Variants in EPB41L3 observed in about 807,000 individuals in gnomAD.
EPB41L3 encodes band 4.1-like protein 3.
Under a neutral mutation model 127.1 loss-of-function variants are expected in EPB41L3, and 57 were observed. The observed-to-expected ratio is 0.45, with a 90% CI of 0.36 to 0.56. The LOEUF (loss-of-function observed/expected upper bound fraction) is 0.56, where lower values mean the gene tolerates loss of function less well. EPB41L3 is among the 20% of genes least tolerant of loss of function. EPB41L3 has a pLI of 0.00. For synonymous variants in EPB41L3, 572 were observed against 549.5 expected, an observed-to-expected ratio of 1.04 and a Z score of -0.57; for missense variants, 1,273 against 1,372.2, an observed-to-expected ratio of 0.93 and a Z score of 1.14.
chr18:5,433,431 T>C (rs2079273644), intron 8 of EPB41L3, 38 bp downstream of exon 8: 2 of 1,397,606 alleles, frequency 1.4e-6, no homozygotes, highest in African/African-American at 2.8e-5. Flanking sequence ...AGTTACATAA[T>C]ATTAAATTGA....
At chr18:5,546,528 CA>C (rs1177657503), upstream of EPB41L3, among the ~76,000 whole-genome samples, 1 of 152,024 alleles carries the variant, frequency 6.6e-6, no homozygotes, top group Non-Finnish European at 1.5e-5. Flanking sequence ...AGACTCGTCT[CA>C]AAAAACTACA....
chr18:5,408,227 C>T (rs1282261260), intron 14 of EPB41L3, among the ~76,000 whole-genome samples: 3 of 151,790 alleles, frequency 2.0e-5, no homozygotes, highest in Non-Finnish European at 4.4e-5. Flanking sequence ...CACAGAGGTT[C>T]CCACATTTTA....
At chr18:5,562,504 A>G (rs2094146926) in intron 3 of EPB41L3, among the ~76,000 whole-genome samples, 1 of 152,226 alleles carries the variant, frequency 6.6e-6, no homozygotes, top group Admixed American at 6.5e-5. Context: ...AGAACAAGTT[A>G]AAGTTACTTT....
chr18:5,581,204 T>C (rs901175678), intron 3 of EPB41L3, among the ~76,000 whole-genome samples: 1 of 152,238 alleles, frequency 6.6e-6, no homozygotes, highest in Non-Finnish European at 1.5e-5. Flanking sequence ...GTAACCAGTG[T>C]TTAATGAATG....
At chr18:5,396,628 A>C (rs1328710409) in intron 18 of EPB41L3, among the ~76,000 whole-genome samples, 4 of 152,190 alleles carry the variant, frequency 2.6e-5, no homozygotes, top group Non-Finnish European at 5.9e-5. Context: ...TAACTCCCCA[A>C]ATACTTCAGG....
At chr18:5,449,960 G>A (rs1024830285) in intron 3 of EPB41L3, among the ~76,000 whole-genome samples, 9 of 152,216 alleles carry the variant, frequency 5.9e-5, no homozygotes, top group Non-Finnish European at 1.3e-4. Context: ...TAAAAGTTAT[G>A]TGAGTGTAGT....
chr18:5,579,996 T>C (rs1293293720), intron 3 of EPB41L3, among the ~76,000 whole-genome samples: 2 of 152,172 alleles, frequency 1.3e-5, no homozygotes, highest in East Asian at 3.9e-4. Context: ...GAATTACTAT[T>C]AATCCCAATT....
chr18:5,542,799 C>T (rs767886223), intron 1 of EPB41L3, among the ~76,000 whole-genome samples: 41 of 152,224 alleles, frequency 2.7e-4, no homozygotes, highest in Non-Finnish European at 5.7e-4. Flanking sequence ...ACCACAGTTA[C>T]AATTTACTAG....
chr18:5,451,397 T>G (rs1257687707), intron 3 of EPB41L3, among the ~76,000 whole-genome samples: 1 of 152,230 alleles, frequency 6.6e-6, no homozygotes. Context: ...TTAAGTCCTC[T>G]CATCCTTCAA....
intron 3 of EPB41L3, among the ~76,000 whole-genome samples, chr18:5,585,609 G>A (rs915123106): frequency 3.9e-5 from 6 of 152,164 alleles, no homozygotes; most frequent in African/African-American, 1.2e-4. Flanking sequence ...TTAACCAAGC[G>A]ATTTCCTCAA....
intron 1 of EPB41L3, among the ~76,000 whole-genome samples, chr18:5,621,189 A>G (rs1474809023): frequency 6.6e-6 from 1 of 152,120 alleles, no homozygotes; most frequent in Non-Finnish European, 1.5e-5. Flanking sequence ...GTTAGGCGTC[A>G]CTGTAGTGGC....
intron 3 of EPB41L3, among the ~76,000 whole-genome samples, chr18:5,464,364 A>G (rs984944886): frequency 1.3e-5 from 2 of 152,150 alleles, no homozygotes; most frequent in African/African-American, 4.8e-5. Context: ...TACTCCTAAG[A>G]AGGTATTTAC....
At chr18:5,428,526 G>A (rs568394177) in intron 8 of EPB41L3, 61 bp from the exon 9 acceptor site, 2 of 1,593,458 alleles carry the variant, frequency 1.3e-6, no homozygotes, top group South Asian at 1.1e-5. Context: ...TTTCTGCTGG[G>A]TAAAGTATTT....
intron 3 of EPB41L3, among the ~76,000 whole-genome samples, chr18:5,472,077 A>G (rs376244560): frequency 6.6e-5 from 10 of 152,008 alleles, no homozygotes; most frequent in East Asian, 3.9e-4. Context: ...TATATTGTTT[A>G]GAATATTTAT....
Position 5,557,866 on chromosome 18 carries a change from G to T in EPB41L3, c.-306+54474C>A, listed in dbSNP as rs371187173. On this transcript the variant is annotated intron_variant, in intron 3 of 21. Coordinates refer to the EPB41L3 transcript ENST00000545076. ...GGGTCAATGGGGTCAGATCCACTGA[G>T]CACCAAAATAAACAAAACAAAACCC... Among the ~76,000 whole-genome samples the T allele has an allele frequency of 2.0e-5, 3 of 152,242 alleles. No individual in the cohort carries two copies. In the East Asian group the frequency reaches 5.8e-4, roughly 29 times the overall value.
intron 1 of EPB41L3, among the ~76,000 whole-genome samples, chr18:5,521,709 C>T (rs1407089955): frequency 1.3e-5 from 2 of 152,162 alleles, no homozygotes; most frequent in Admixed American, 1.3e-4. Flanking sequence ...CTACCTAACA[C>T]AGATGTTACA....
chr18:5,565,235 A>T (rs2094182667), intron 3 of EPB41L3, among the ~76,000 whole-genome samples: 1 of 135,820 alleles, frequency 7.4e-6, no homozygotes, highest in Non-Finnish European at 1.6e-5. Flanking sequence ...CATCTCTACT[A>T]AAAAAAAAAA....
At chr18:5,473,344 G>C (rs1352420944) in intron 3 of EPB41L3, among the ~76,000 whole-genome samples, 1 of 152,002 alleles carries the variant, frequency 6.6e-6, no homozygotes, top group Non-Finnish European at 1.5e-5. Context: ...ACCACTCTTA[G>C]AGTAATGTTC....
At chr18:5,520,966 C>T (rs1358109211) in intron 1 of EPB41L3, among the ~76,000 whole-genome samples, 1 of 152,158 alleles carries the variant, frequency 6.6e-6, no homozygotes, top group Non-Finnish European at 1.5e-5. Context: ...AAGAGATGTG[C>T]TCCATAACCC....
Sources: allele counts gnomAD v4.1 joint callset (sites outside exome capture counted in the v4.1 genomes callset), GRCh38; gene constraint gnomAD v4.1.1; transcripts MANE v1.5; gene names NCBI Gene and HGNC (gene_info 2026-07-23, HGNC 2026-07-21).